The following TNFRSF18 variants were observed in gnomAD, a reference collection of about 807,000 sequenced individuals.
TNFRSF18 encodes tumor necrosis factor receptor superfamily member 18.
In TNFRSF18, 36 loss-of-function variants were observed where a neutral mutation model predicts 30.2. The ratio of observed to expected loss-of-function variants is 1.19; its 90% confidence interval spans 0.91 to 1.58. TNFRSF18 has a LOEUF of 1.58. Among genes scored for constraint, TNFRSF18 ranks in the 40% most tolerant of loss-of-function variants. The pLI is 0.00. For synonymous variants in TNFRSF18, 173 were observed against 158.3 expected, an observed-to-expected ratio of 1.09 and a Z score of -0.70; for missense variants, 369 against 345.4, an observed-to-expected ratio of 1.07 and a Z score of -0.54.
In TNFRSF18 at chr1:1,204,036, C is replaced by G; in HGVS notation, c.599G>C (p.Arg200Pro). 6.2e-7 allele frequency: 1 copy of G among 1,606,702 alleles called. No individual in the cohort carries two copies. Among genetic ancestry groups the G allele is most frequent in the East Asian group, 2.2e-5 (1 of 44,680 alleles). ...WQLRSQCMWPRETQLLLEVPP... is the reference protein window; with the variant it reads ...WQLRSQCMWPPETQLLLEVPP... ...CCCCGCACCAGGCTGTGACAGACCT[C>G]GGGGCCACATGCACTGACTCCTCAG... Residue 200 changes from arginine to proline, a missense_variant and splice_region_variant, in exon 4 of 5, where the codon CGA (arginine) becomes CCA (proline). Arg to Pro is a moderately radical substitution (Grantham distance 103, BLOSUM62 -2). Transcript: ENST00000379268.
rs753023596 is a variant in TNFRSF18, at chr1:1,203,649, C to G, written c.*195G>C. Reference sequence around the variant, plus strand: ...GGAAGGGGGCCATGACTGTGTCTCTCTCTCCCTCCTGCAGGGCCCAGCCGC... The same window carrying G: ...GGAAGGGGGCCATGACTGTGTCTCTGTCTCCCTCCTGCAGGGCCCAGCCGC... On this transcript the variant is annotated 3_prime_UTR_variant, in exon 5 of 5. Transcript: ENST00000379268. The G allele has an allele frequency of 6.5e-7, 1 of 1,548,450 alleles. No individual in the cohort carries two copies. The highest frequency in any genetic ancestry group is 8.7e-7 in the Non-Finnish European group (1 of 1,155,542).
chr1:1,203,896 C>A lies in TNFRSF18; in HGVS notation c.674G>T (p.Arg225Leu). 6.2e-7 allele frequency: 1 copy of A among 1,606,474 alleles called. No individual in the cohort carries two copies. Among genetic ancestry groups the A allele is most frequent in the Non-Finnish European group, 8.5e-7 (1 of 1,179,250 alleles). The change falls in exon 5 of 5, where the codon CGG becomes CTG. Residue 225 changes from arginine to leucine, a missense_variant. Physicochemically the swap from Arg to Leu is moderately radical, Grantham distance 102. Transcript: ENST00000379268. ...ARSCQFPEEE[R>L]GERSAEEKGR... ...CTTCTCCTCTGCCGATCGCTCGCCC[C>A]GCTCTTCCTCGGGGAACTGGCAGCT...
rs760855900 is a variant in TNFRSF18, at chr1:1,205,392, TG to T, written c.287del (p.Pro96GlnfsTer71). On this transcript the variant is annotated frameshift_variant, in exon 2 of 5. Transcript: ENST00000379268. LOFTEE classifies it high-confidence loss of function. ...CTTCRHHPCP[P>X]GQGVQSQGKF... is the part of the protein sequence containing the mutation. ...TACCCTGGGACTGTACCCCCTGGCCTGGGGGACAAGGGTGGTGCCGGCAGGT... is the reference window on the plus strand; with the variant it reads ...TACCCTGGGACTGTACCCCCTGGCCTGGGGACAAGGGTGGTGCCGGCAGGT... The T allele has an allele frequency of 6.2e-7, 1 of 1,612,410 alleles. No individual in the cohort carries two copies. Among genetic ancestry groups the T allele is most frequent in the South Asian group, 1.1e-5 (1 of 91,038 alleles).
In TNFRSF18 at chr1:1,203,983, C is replaced by T. The variant is rs749194100; in HGVS notation, c.602-15G>A. 7 of 1,606,150 alleles carry T rather than the reference C, an allele frequency of 4.4e-6. No individual in the cohort carries two copies. Among genetic ancestry groups the T allele is most frequent in the Non-Finnish European group, 4.2e-6 (5 of 1,177,470 alleles). On this transcript the variant is annotated splice_polypyrimidine_tract_variant and intron_variant, in intron 4 of 4. Transcript: ENST00000379268. ...CAGCTGGGTCTCTGCAGGGGGGCCA[C>T]GGTCAGCAGGCAGCCATGCTCCCAC...
At position 1,203,798 on chromosome 1, in the gene TNFRSF18, TG is replaced by T; in HGVS notation, c.*45del. The T allele has an allele frequency of 1.3e-6, 2 of 1,573,830 alleles. No homozygotes were observed. The highest frequency in any genetic ancestry group is 8.6e-7 in the Non-Finnish European group (1 of 1,166,036). On this transcript the variant is annotated 3_prime_UTR_variant, in exon 5 of 5. Transcript: ENST00000379268. ...GAGCCCCTGCGGCCTGGGGAGCTCC[TG>T]GGGAGGGGCTGGCTGCGGTCGGTGG...
Position 1,204,400 on chromosome 1 carries a change from C to A in TNFRSF18, c.397G>T (p.Asp133Tyr). ...GHEGHCKPWTDCTQFGFLTVF... is the reference protein window; with the variant it reads ...GHEGHCKPWTYCTQFGFLTVF... ...CGGCAGGGCCCACCCAGGACTCACT[C>A]TGTCCAAGGTTTGCAGTGGCCTTCG... The change falls in exon 3 of 5, where the codon GAC (aspartate) becomes TAC (tyrosine). Residue 133 changes from aspartate to tyrosine, a missense_variant and splice_region_variant. By Grantham distance (160) the Asp-to-Tyr change is radical. Transcript: ENST00000379268. The A allele has an allele frequency of 6.2e-7, 1 of 1,612,386 alleles. No individual in the cohort carries two copies. Among genetic ancestry groups the A allele is most frequent in the Non-Finnish European group, 8.5e-7 (1 of 1,179,760 alleles).
Position 1,204,252 on chromosome 1 carries a change from GCGGCCTCCTATCAGCCCCCGGACA to G in TNFRSF18, c.399-40_399-17del, listed in dbSNP as rs749831398. ...CTGGGTGCAGCTGGAATACATGGAC[GCGGCCTCCTATCAGCCCCCGGACA>G]CGGCCTCCGATCAGCCCCCGGCTGC... is the stretch of plus-strand genomic sequence containing the variant. On this transcript the variant is annotated splice_polypyrimidine_tract_variant and intron_variant, in intron 3 of 4. Coordinates refer to ENST00000379268, the MANE Select transcript of TNFRSF18 (RefSeq NM_004195.3). 39 of 1,605,412 alleles carry G rather than the reference GCGGCCTCCTATCAGCCCCCGGACA, an allele frequency of 2.4e-5. No individual in the cohort carries two copies. Among genetic ancestry groups the G allele is most frequent in the South Asian group, 1.3e-4 (12 of 90,224 alleles).
Position 1,203,893 on chromosome 1 carries a change from C to A in TNFRSF18, c.677G>T (p.Gly226Val). 2 of 1,606,206 alleles carry A rather than the reference C, an allele frequency of 1.2e-6. No homozygotes were observed. The highest frequency in any genetic ancestry group is 1.1e-5 in the South Asian group (1 of 90,662). ...RSCQFPEEER[G>V]ERSAEEKGRL... ...CCCCTTCTCCTCTGCCGATCGCTCGCCCCGCTCTTCCTCGGGGAACTGGCA... is the reference window on the plus strand; with the variant it reads ...CCCCTTCTCCTCTGCCGATCGCTCGACCCGCTCTTCCTCGGGGAACTGGCA... The change falls in exon 5 of 5, where the codon GGC becomes GTC. Residue 226 changes from glycine to valine, a missense_variant. Gly to Val is a moderately radical substitution (Grantham distance 109). Transcript: ENST00000379268.
chr1:1,205,276 G>A (rs1648758140), intron 2 of TNFRSF18, 94 bp downstream of exon 2: 2 of 1,537,458 alleles, frequency 1.3e-6, no homozygotes, highest in South Asian at 2.4e-5. Context: ...CACACCACAT[G>A]TCCTCGCCGG....
At position 1,204,071 on chromosome 1, in the gene TNFRSF18, G is replaced by T; in HGVS notation, c.564C>A (p.His188Gln). The T allele has an allele frequency of 6.2e-7, 1 of 1,606,476 alleles. No individual in the cohort carries two copies. The highest frequency in any genetic ancestry group is 1.3e-5 in the African/African-American group (1 of 74,972). ...TGCACTGACTCCTCAGCTGCCAGAT[G>T]TGCAGTCCAAGCTGGGCCGAGGTCA... is the stretch of plus-strand genomic sequence containing the variant. ...LLLTSAQLGL[H>Q]IWQLRSQCMW... Residue 188 changes from histidine to glutamine, a missense_variant, in exon 4 of 5, where the codon CAC becomes CAA. Physicochemically the swap from His to Gln is conservative, Grantham distance 24. Transcript: ENST00000379268.
intron 1 of TNFRSF18, 70 bp downstream of exon 1, chr1:1,206,315 G>T (rs1648824004): frequency 6.6e-7 from 1 of 1,504,008 alleles, no homozygotes; most frequent in Admixed American, 2.0e-5. Context: ...CGGGAAGGGG[G>T]GCGCCCACCC....
At chr1:1,205,344 C>T (rs1174426903) in intron 2 of TNFRSF18, 26 bp downstream of exon 2, 1 of 1,604,502 alleles carries the variant, frequency 6.2e-7, no homozygotes, top group East Asian at 2.3e-5. Flanking sequence ...CCTGTGTGGA[C>T]TCCCAGAGGC....
At chr1:1,205,262 C>G in intron 2 of TNFRSF18, 108 bp downstream of exon 2, 1 of 1,512,238 alleles carries the variant, frequency 6.6e-7, no homozygotes, top group South Asian at 1.2e-5. Context: ...GACTCCGGAC[C>G]CCACACACCA....
chr1:1,203,970 T>A lies in TNFRSF18; in HGVS notation c.602-2A>T, dbSNP rs778054898. Reference sequence around the variant, plus strand: ...GCACCTCCAGCAGCAGCTGGGTCTCTGCAGGGGGGCCACGGTCAGCAGGCA... The same window carrying A: ...GCACCTCCAGCAGCAGCTGGGTCTCAGCAGGGGGGCCACGGTCAGCAGGCA... On this transcript the variant is annotated splice_acceptor_variant, in intron 4 of 4. Transcript: ENST00000379268. LOFTEE classifies it high-confidence loss of function. 8.1e-6 allele frequency: 13 copies of A among 1,606,876 alleles called. No individual in the cohort carries two copies. In the South Asian group the frequency reaches 1.4e-4, roughly 18 times the overall value.
intron 2 of TNFRSF18, among the ~76,000 whole-genome samples, chr1:1,204,876 C>G (rs541756762): frequency 2.0e-5 from 3 of 152,144 alleles, no homozygotes; most frequent in Non-Finnish European, 4.4e-5. Flanking sequence ...GACCCTGCCC[C>G]GTCCAACCTG....
intron 1 of TNFRSF18, among the ~76,000 whole-genome samples, chr1:1,206,088 CG>C (rs1291552660): frequency 6.6e-6 from 1 of 152,194 alleles, no homozygotes; most frequent in Non-Finnish European, 1.5e-5. Flanking sequence ...GCTCACGACC[CG>C]CCCAGCAGGA....
At position 1,203,790 on chromosome 1, in the gene TNFRSF18, G is replaced by A. The variant is rs746430428; in HGVS notation, c.*54C>T. ...AGAACGCAGAGCCCCTGCGGCCTGG[G>A]GAGCTCCTGGGGAGGGGCTGGCTGC... On this transcript the variant is annotated 3_prime_UTR_variant, in exon 5 of 5. Coordinates refer to ENST00000379268, the MANE Select transcript of TNFRSF18 (RefSeq NM_004195.3). The A allele has an allele frequency of 8.3e-6, 13 of 1,570,336 alleles. No individual in the cohort carries two copies. In the East Asian group the frequency reaches 3.0e-4, roughly 36 times the overall value.
In TNFRSF18 at chr1:1,203,978, G is replaced by T. The variant is rs923296129; in HGVS notation, c.602-10C>A. On this transcript the variant is annotated splice_polypyrimidine_tract_variant and intron_variant, in intron 4 of 4. Coordinates refer to ENST00000379268, the MANE Select transcript of TNFRSF18 (RefSeq NM_004195.3). ...AGCAGCAGCTGGGTCTCTGCAGGGG[G>T]GCCACGGTCAGCAGGCAGCCATGCT... The T allele has an allele frequency of 1.1e-5, 17 of 1,606,462 alleles. No individual in the cohort carries two copies. Among genetic ancestry groups the T allele is most frequent in the Non-Finnish European group, 1.4e-5 (17 of 1,177,738 alleles).
At chr1:1,205,515 C>A in intron 1 of TNFRSF18, 23 bp from the exon 2 acceptor site, 2 of 1,605,788 alleles carry the variant, frequency 1.2e-6, no homozygotes, top group South Asian at 2.2e-5. Context: ...CAGGCCAGCC[C>A]CCCAGCAGCT....
Sources: allele counts gnomAD v4.1 joint callset (sites outside exome capture counted in the v4.1 genomes callset), GRCh38; gene constraint gnomAD v4.1.1; transcripts MANE v1.5; gene names NCBI Gene and HGNC (gene_info 2026-07-23, HGNC 2026-07-21).